Variants in CDH18 observed in about 807,000 individuals in gnomAD.
CDH18 encodes the protein cadherin 18, also known as cadherin-18.
A neutral mutation model predicts 67.9 loss-of-function variants in CDH18; 31 were observed. The ratio of observed to expected loss-of-function variants is 0.46; its 90% CI spans 0.34 to 0.62. The LOEUF (loss-of-function observed/expected upper bound fraction) is 0.62, where lower values mean the gene tolerates loss of function less well. Ranked by LOEUF, CDH18 falls within the 20% of genes least tolerant of loss-of-function variation. The pLI is 0.01. For missense variants in CDH18, 890 were observed against 975.5 expected (o/e 0.91, Z 1.17); for synonymous variants, 362 against 347.2 (o/e 1.04, Z -0.48).
chr5:19,574,381 GAAA>G (rs944127796), intron 7 of CDH18, among the ~76,000 whole-genome samples: 2 of 152,022 alleles, frequency 1.3e-5, no homozygotes, highest in African/African-American at 2.4e-5. Context: ...GTGGAGCCAT[GAAA>G]AAAATGAGTA....
intron 5 of CDH18, among the ~76,000 whole-genome samples, chr5:19,647,394 G>A (rs1754915763): frequency 6.6e-6 from 1 of 151,354 alleles, no homozygotes; most frequent in African/African-American, 2.4e-5. Flanking sequence ...GCTGAGCATG[G>A]TGGCACAGAA....
chr5:20,083,298 T>G (rs184716237), intron 2 of CDH18, among the ~76,000 whole-genome samples: 2 of 152,194 alleles, frequency 1.3e-5, no homozygotes, highest in African/African-American at 4.8e-5. Flanking sequence ...AAAGTAAGAC[T>G]CTTATAGGTC....
intron 1 of CDH18, among the ~76,000 whole-genome samples, chr5:20,477,223 G>A (rs752844890): frequency 1.3e-5 from 2 of 151,892 alleles, no homozygotes; most frequent in East Asian, 1.9e-4. Flanking sequence ...ACACACACAC[G>A]AGGGAGAGAG....
At chr5:19,756,499 T>C (rs1293271940) in intron 3 of CDH18, among the ~76,000 whole-genome samples, 1 of 152,180 alleles carries the variant, frequency 6.6e-6, no homozygotes, top group Admixed American at 6.5e-5. Flanking sequence ...GTAGTTTCCA[T>C]TAACCTTAAT....
intron 2 of CDH18, among the ~76,000 whole-genome samples, chr5:19,877,400 A>C (rs190011840): frequency 2.0e-4 from 30 of 152,238 alleles, no homozygotes; most frequent in Admixed American, 5.2e-4. Context: ...TCCTAACAAG[A>C]AAAATGTGAA....
intron 1 of CDH18, among the ~76,000 whole-genome samples, chr5:20,521,818 C>G (rs1755760632): frequency 6.6e-6 from 1 of 151,948 alleles, no homozygotes; most frequent in Admixed American, 6.6e-5. Context: ...TACACACACA[C>G]ACACACGTGC....
chr5:20,232,918 C>T (rs1742185137), intron 2 of CDH18, among the ~76,000 whole-genome samples: 1 of 151,820 alleles, frequency 6.6e-6, no homozygotes, highest in Admixed American at 6.6e-5. Context: ...GGCTATTTTA[C>T]AGGTATGTAA....
At chr5:20,552,072 A>G (rs1036744721) in intron 1 of CDH18, among the ~76,000 whole-genome samples, 1 of 152,176 alleles carries the variant, frequency 6.6e-6, no homozygotes, top group South Asian at 2.1e-4. Context: ...GAAACATCAT[A>G]CAATAGCAAT....
intron 1 of CDH18, among the ~76,000 whole-genome samples, chr5:20,384,234 A>G (rs187390810): frequency 6.6e-6 from 1 of 152,146 alleles, no homozygotes. Flanking sequence ...ATTTCTACCC[A>G]AGGAACAACT....
At chr5:19,475,059 T>C (rs1439162631) in intron 12 of CDH18, among the ~76,000 whole-genome samples, 1 of 152,046 alleles carries the variant, frequency 6.6e-6, no homozygotes, top group Non-Finnish European at 1.5e-5. Context: ...ATGATGCCCA[T>C]TAATATTTTT....
rs1386314 is a variant in CDH18 at position 19,471,526 on chromosome 5, C to G, written c.*1700G>C. Among the ~76,000 whole-genome samples the G allele has an allele frequency of 3.5e-3, 530 of 152,078 alleles. 3 individuals carry two copies. Among genetic ancestry groups the G allele is most frequent in the Non-Finnish European group, 4.9e-3 (331 of 67,968 alleles). On this transcript the variant is annotated 3_prime_UTR_variant, in exon 13 of 13. Transcript: ENST00000382275. ...ATAAATTTAAAGAGCAAAGGAAAAA[C>G]TCCGGTGTCAACTAATTCCTATTTC...
chr5:19,823,434 T>C (rs1289194431), intron 3 of CDH18, among the ~76,000 whole-genome samples: 1 of 152,220 alleles, frequency 6.6e-6, no homozygotes, highest in Admixed American at 6.5e-5. Flanking sequence ...CAAATGTCCA[T>C]GAAATCTTCA....
At chr5:19,622,775 C>T (rs1295605083) in intron 5 of CDH18, among the ~76,000 whole-genome samples, 1 of 152,092 alleles carries the variant, frequency 6.6e-6, no homozygotes, top group East Asian at 1.9e-4. Context: ...TGCACCCATC[C>T]TTGAACTTCC....
chr5:20,143,315 C>T (rs1750388155), intron 2 of CDH18, among the ~76,000 whole-genome samples: 1 of 152,018 alleles, frequency 6.6e-6, no homozygotes, highest in Non-Finnish European at 1.5e-5. Context: ...GAAAATAGAA[C>T]TGGTAAGTGG....
chr5:20,172,242 A>ATATATGTATATATATATATGTATGTG (rs1736881771), intron 2 of CDH18, among the ~76,000 whole-genome samples: 1 of 56,700 alleles, frequency 1.8e-5, no homozygotes, highest in African/African-American at 6.1e-5. Flanking sequence ...ATATATATGT[A>ATATATGTATATATATATATGTATGTG]TATATATATA....
At chr5:20,085,934 A>G (rs1744911719) in intron 2 of CDH18, among the ~76,000 whole-genome samples, 2 of 152,224 alleles carry the variant, frequency 1.3e-5, no homozygotes, top group Non-Finnish European at 2.9e-5. Context: ...AGAGTTGCAC[A>G]TCCCTCACTT....
chr5:19,579,721 G>A (rs1043376106), intron 7 of CDH18, among the ~76,000 whole-genome samples: 2 of 151,290 alleles, frequency 1.3e-5, no homozygotes, highest in Non-Finnish European at 3.0e-5. Flanking sequence ...ACAATCCTAT[G>A]TTCTTAGGAA....
At chr5:20,471,243 G>C (rs537405360) in intron 1 of CDH18, among the ~76,000 whole-genome samples, 43 of 152,020 alleles carry the variant, frequency 2.8e-4, no homozygotes, top group Non-Finnish European at 5.1e-4. Flanking sequence ...CATAAATACT[G>C]CTTTCTCTGC....
intron 1 of CDH18, among the ~76,000 whole-genome samples, chr5:20,283,175 A>T (rs1485098784): frequency 1.3e-5 from 2 of 152,180 alleles, no homozygotes; most frequent in African/African-American, 2.4e-5. Flanking sequence ...ACTTTTGTAA[A>T]CTCTCCAGGA....
Sources: allele counts gnomAD v4.1 joint callset (sites outside exome capture counted in the v4.1 genomes callset), GRCh38; gene constraint gnomAD v4.1.1; transcripts MANE v1.5; gene names NCBI Gene and HGNC (gene_info 2026-07-23, HGNC 2026-07-21).